Variants in DMD observed in about 807,000 individuals in gnomAD.
DMD encodes the protein mutant dystrophin.
Under a neutral mutation model 330.1 loss-of-function variants are expected in DMD, and 63 were observed. That is an observed-to-expected ratio of 0.19 (90% confidence interval 0.16 to 0.24). The LOEUF is 0.24. DMD is among the 10% of genes least tolerant of loss of function. DMD has a pLI of 1.00. For missense variants in DMD, 3,344 were observed against 2,684.1 expected (o/e 1.25, Z -5.43); for synonymous variants, 1,223 against 959.8 (o/e 1.27, Z -5.07).
At chrX:32,414,507 T>A (rs1170116867) in intron 29 of DMD, among the ~76,000 whole-genome samples, 1 of 112,076 alleles carries the variant, frequency 8.9e-6, no homozygotes, top group Non-Finnish European at 1.9e-5. Context: ...ATGGTCTGCA[T>A]TTACTTTAGA....
chrX:31,723,085 C>T (rs1312779373), intron 52 of DMD, among the ~76,000 whole-genome samples: 1 of 101,942 alleles, frequency 9.8e-6, no homozygotes, highest in Admixed American at 1.1e-4. Context: ...CTAAATGCTT[C>T]TATATTGTAA....
chrX:32,613,707 TAATA>T (rs1186995933), intron 12 of DMD, among the ~76,000 whole-genome samples: 1 of 110,856 alleles, frequency 9.0e-6, no homozygotes, highest in Non-Finnish European at 1.9e-5. Flanking sequence ...AGCAAATTTT[TAATA>T]AATCACATAC....
At chrX:32,022,825 C>CTTTTTTT (rs753993138) in intron 44 of DMD, among the ~76,000 whole-genome samples, 1 of 90,403 alleles carries the variant, frequency 1.1e-5, no homozygotes, top group African/African-American at 4.3e-5. Context: ...GTATAATCCT[C>CTTTTTTT]TTTTTTTTTT....
intron 60 of DMD, among the ~76,000 whole-genome samples, chrX:31,437,081 G>A (rs756039895): frequency 1.8e-5 from 2 of 111,790 alleles, no homozygotes; most frequent in East Asian, 5.6e-4. Flanking sequence ...TTTGGGAGAG[G>A]TGCTTTCTAA....
chrX:32,452,449 A>AG (rs1482626345), intron 26 of DMD, among the ~76,000 whole-genome samples: 4 of 9,547 alleles, frequency 4.2e-4, no homozygotes, highest in Non-Finnish European at 1.0e-3. Flanking sequence ...GGGAAAGGAA[A>AG]GGAAAGGAAA....
chrX:31,529,934 C>T (rs920916336), intron 55 of DMD, among the ~76,000 whole-genome samples: 5 of 110,024 alleles, frequency 4.5e-5, no homozygotes, highest in African/African-American at 1.7e-4. Context: ...AATGTTGCTA[C>T]GACATCTATT....
Position 31,280,702 on chromosome X carries a change from AC to A in DMD, c.9225-19687del, listed in dbSNP as rs769857644. Among the ~76,000 whole-genome samples, 24 of 112,605 alleles carry A rather than the reference AC, an allele frequency of 2.1e-4. 1 individual carries two copies. In the South Asian group the frequency reaches 6.3e-3, roughly 29 times the overall value. ...AACTGCACAAAGAATGAGGTGCATC[AC>A]ACAGGATGTTTACATAAATATAGGA... On this transcript the variant is annotated intron_variant, in intron 62 of 78. Transcript: ENST00000357033.
At chrX:32,545,047 C>T in intron 17 of DMD, 112 bp downstream of exon 17, 1 of 734,805 alleles carries the variant, frequency 1.4e-6, no homozygotes, top group South Asian at 2.3e-5. Flanking sequence ...ACTGACATTA[C>T]AGGTACCCGA....
chrX:31,355,435 C>T (rs2058621119), intron 60 of DMD, among the ~76,000 whole-genome samples: 1 of 112,120 alleles, frequency 8.9e-6, no homozygotes, highest in Admixed American at 9.4e-5. Context: ...TTTTCTGGTT[C>T]TCAGTTTGTC....
At chrX:31,659,729 G>A (rs2081018221) in intron 53 of DMD, among the ~76,000 whole-genome samples, 1 of 107,802 alleles carries the variant, frequency 9.3e-6, no homozygotes, top group Non-Finnish European at 1.9e-5. Context: ...TCATTCCAAT[G>A]GTCCAATATG....
intron 48 of DMD, among the ~76,000 whole-genome samples, chrX:31,858,331 C>T (rs184799065): frequency 2.8e-4 from 31 of 111,500 alleles, no homozygotes; most frequent in African/African-American, 9.4e-4. Context: ...TATTTTCATA[C>T]TGATAACATC....
intron 1 of DMD, among the ~76,000 whole-genome samples, chrX:33,026,110 C>T (rs936509979): frequency 5.6e-5 from 6 of 108,058 alleles, no homozygotes; most frequent in Non-Finnish European, 1.2e-4. Flanking sequence ...CCGAGGTGGG[C>T]GGATCATGAG....
At chrX:32,997,774 C>T (rs1047020761) in intron 2 of DMD, among the ~76,000 whole-genome samples, 2 of 111,605 alleles carry the variant, frequency 1.8e-5, no homozygotes, top group African/African-American at 6.5e-5. Context: ...AACTTTAGAT[C>T]TTTATCAGCC....
chrX:32,983,611 G>T (rs998426626), intron 2 of DMD, among the ~76,000 whole-genome samples: 4 of 105,623 alleles, frequency 3.8e-5, no homozygotes, highest in African/African-American at 1.4e-4. Context: ...TAAAATTGCT[G>T]AATTGTAGTA....
At chrX:32,566,142 T>G (rs1056711498) in intron 15 of DMD, among the ~76,000 whole-genome samples, 3 of 112,105 alleles carry the variant, frequency 2.7e-5, no homozygotes, top group Non-Finnish European at 3.8e-5. Flanking sequence ...AAGAGCTACC[T>G]TGAAATATTT....
chrX:32,779,949 A>T (rs1203547004), intron 7 of DMD, among the ~76,000 whole-genome samples: 2 of 111,891 alleles, frequency 1.8e-5, no homozygotes, highest in Non-Finnish European at 3.8e-5. Flanking sequence ...CCCAATTTAA[A>T]TTATACTTTA....
intron 47 of DMD, among the ~76,000 whole-genome samples, chrX:31,922,675 A>C (rs894832531): frequency 2.7e-5 from 3 of 111,406 alleles, no homozygotes; most frequent in Non-Finnish European, 5.6e-5. Flanking sequence ...ATGGGGAAAA[A>C]AATTCCACAA....
chrX:32,346,440 C>G (rs964871804), intron 38 of DMD, among the ~76,000 whole-genome samples: 3 of 111,028 alleles, frequency 2.7e-5, no homozygotes, highest in Non-Finnish European at 5.7e-5. Context: ...CTAAAGTTAT[C>G]ATTTATAATG....
At chrX:33,164,307 G>T (rs1245030986) in intron 1 of DMD, among the ~76,000 whole-genome samples, 1 of 111,812 alleles carries the variant, frequency 8.9e-6, no homozygotes, top group Non-Finnish European at 1.9e-5. Context: ...TAAAAAACTG[G>T]CCATTTCTGA....
Sources: allele counts gnomAD v4.1 joint callset (sites outside exome capture counted in the v4.1 genomes callset), GRCh38; gene constraint gnomAD v4.1.1; transcripts MANE v1.5; gene names NCBI Gene and HGNC (gene_info 2026-07-23, HGNC 2026-07-21).